TMEM117: variants seen among roughly 807,000 people sequenced by gnomAD.
TMEM117 encodes transmembrane protein 117.
TMEM117 carries 27 observed loss-of-function variants against 52.4 expected under a neutral mutation model. The ratio of observed to expected loss-of-function variants is 0.51; its 90% CI spans 0.38 to 0.71. The LOEUF (loss-of-function observed/expected upper bound fraction) is 0.71. Among genes scored for constraint, TMEM117 ranks in the 30% least tolerant of loss-of-function variants. The probability of loss-of-function intolerance (pLI) is 0.00; values close to 1 mark genes in which losing one functional copy is unlikely to be tolerated. For synonymous variants in TMEM117, 215 were observed against 206.3 expected (o/e 1.04, Z -0.36); for missense variants, 556 against 630.5 (o/e 0.88, Z 1.26).
chr12:44,063,902 G>C (rs1029700742), intron 3 of TMEM117, among the ~76,000 whole-genome samples: 13 of 152,120 alleles, frequency 8.5e-5, no homozygotes, highest in African/African-American at 2.9e-4. Flanking sequence ...AAATTAATAG[G>C]CTTGTTCCTT....
intron 6 of TMEM117, among the ~76,000 whole-genome samples, chr12:44,306,056 A>G (rs1426083776): frequency 6.6e-6 from 1 of 152,220 alleles, no homozygotes; most frequent in East Asian, 1.9e-4. Context: ...TCTCATTTAT[A>G]AATGAGAGCT....
At chr12:44,131,307 T>C (rs1289182177) in intron 3 of TMEM117, among the ~76,000 whole-genome samples, 1 of 152,166 alleles carries the variant, frequency 6.6e-6, no homozygotes, top group Non-Finnish European at 1.5e-5. Flanking sequence ...TCTCAAATTA[T>C]ATGTTACTGA....
intron 3 of TMEM117, among the ~76,000 whole-genome samples, chr12:44,141,385 C>T (rs1948569401): frequency 6.6e-6 from 1 of 152,054 alleles, no homozygotes; most frequent in African/African-American, 2.4e-5. Flanking sequence ...CTCTCTCCTC[C>T]CACCCTTTTC....
At chr12:44,024,519 C>G (rs1302967494) in intron 3 of TMEM117, among the ~76,000 whole-genome samples, 9 of 149,010 alleles carry the variant, frequency 6.0e-5, no homozygotes. Flanking sequence ...GGGAAGAAAG[C>G]AGGGTATATA....
At chr12:44,047,530 C>G (rs1284755705) in intron 3 of TMEM117, among the ~76,000 whole-genome samples, 1 of 152,070 alleles carries the variant, frequency 6.6e-6, no homozygotes, top group East Asian at 1.9e-4. Context: ...GATTGTTTTT[C>G]TCTTAGTTTG....
At chr12:43,797,916 T>C in the TMEM117 span, 2 of 1,425,026 alleles carry the variant, frequency 1.4e-6, no homozygotes, top group South Asian at 1.3e-5. Context: ...CTCTATAAAA[T>C]AGTATCATTC....
intron 4 of TMEM117, among the ~76,000 whole-genome samples, chr12:44,177,984 G>T (rs188631529): frequency 6.6e-5 from 10 of 151,930 alleles, no homozygotes; most frequent in Admixed American, 5.9e-4. Context: ...TTACTCTTCC[G>T]TATGACAAAC....
chr12:44,138,421 A>G (rs1335946653), intron 3 of TMEM117, among the ~76,000 whole-genome samples: 7 of 152,130 alleles, frequency 4.6e-5, no homozygotes. Context: ...ATGTTTCTGT[A>G]TACAGCACAA....
intron 3 of TMEM117, among the ~76,000 whole-genome samples, chr12:43,957,417 A>G (rs1206403148): frequency 3.9e-5 from 6 of 152,248 alleles, no homozygotes; most frequent in African/African-American, 1.2e-4. Context: ...TTTTGCAGTG[A>G]CTATACAATA....
intron 3 of TMEM117, among the ~76,000 whole-genome samples, chr12:44,116,347 T>G (rs1413449784): frequency 1.3e-5 from 2 of 152,024 alleles, no homozygotes; most frequent in African/African-American, 2.4e-5. Context: ...GATTATGACC[T>G]CAATTTCCTT....
chr12:44,344,918 GT>G (rs766461522), intron 6 of TMEM117, among the ~76,000 whole-genome samples: 1 of 152,010 alleles, frequency 6.6e-6, no homozygotes, highest in Non-Finnish European at 1.5e-5. Context: ...ACATCTGATT[GT>G]TTGCATTGCT....
At chr12:43,965,492 C>T (rs1050105217) in intron 3 of TMEM117, among the ~76,000 whole-genome samples, 5 of 152,074 alleles carry the variant, frequency 3.3e-5, no homozygotes, top group African/African-American at 1.2e-4. Context: ...TTAGAGTTAC[C>T]CAGAAAGTTC....
the TMEM117 span, among the ~76,000 whole-genome samples, chr12:43,820,799 T>C: frequency 6.6e-6 from 1 of 152,050 alleles, no homozygotes; most frequent in African/African-American, 2.4e-5. Flanking sequence ...CCCTTCTGTC[T>C]TTCTATAAGA....
At chr12:44,084,269 ATTATAC>A (rs1947530479) in intron 3 of TMEM117, among the ~76,000 whole-genome samples, 2 of 152,264 alleles carry the variant, frequency 1.3e-5, no homozygotes, top group African/African-American at 4.8e-5. Context: ...CATCATTTAT[ATTATAC>A]TTGTACTTTG....
At chr12:44,178,574 G>A (rs1949147642) in intron 4 of TMEM117, among the ~76,000 whole-genome samples, 2 of 152,012 alleles carry the variant, frequency 1.3e-5, no homozygotes. Flanking sequence ...CAGGCTCTTT[G>A]GATAAGGTCA....
At chr12:44,342,424 C>G (rs1445956379) in intron 6 of TMEM117, among the ~76,000 whole-genome samples, 2 of 152,084 alleles carry the variant, frequency 1.3e-5, no homozygotes, top group African/African-American at 4.8e-5. Flanking sequence ...CTGACCTTTC[C>G]TTCCTCACAG....
At chr12:43,999,166 C>T (rs567103047) in intron 3 of TMEM117, among the ~76,000 whole-genome samples, 5 of 152,126 alleles carry the variant, frequency 3.3e-5, no homozygotes, top group Non-Finnish European at 7.4e-5. Flanking sequence ...CATTCCGCTC[C>T]TAGAATGCTA....
intron 2 of TMEM117, among the ~76,000 whole-genome samples, chr12:43,851,175 A>G (rs551679025): frequency 2.0e-4 from 31 of 152,186 alleles, no homozygotes; most frequent in Non-Finnish European, 3.5e-4. Context: ...AGTATTGCCA[A>G]TTTAAGGGAT....
Position 43,910,134 on chromosome 12 carries a change from A to T in TMEM117, c.278-34076A>T, listed in dbSNP as rs542685597. 8.1e-3 allele frequency among the ~76,000 whole-genome samples: 1,109 copies of T among 137,356 alleles called. 28 individuals are homozygous for T. Among genetic ancestry groups the T allele is most frequent in the East Asian group, 0.044 (198 of 4,532 alleles). 90.1% of individuals were successfully genotyped at this position (137,356 alleles called of 152,430 possible). A position where few individuals can be genotyped will look rare whatever the true frequency, so the allele number is the denominator to read the frequency against. On this transcript the variant is annotated intron_variant, in intron 2 of 7. Transcript: ENST00000266534. ...AACCGAATCCAGCAGCACATCAAAAAGCTTATCCACCATGATCAAGTGGGC... is the reference window on the plus strand; with the variant it reads ...AACCGAATCCAGCAGCACATCAAAATGCTTATCCACCATGATCAAGTGGGC...
Sources: allele counts gnomAD v4.1 joint callset (sites outside exome capture counted in the v4.1 genomes callset), GRCh38; gene constraint gnomAD v4.1.1; transcripts MANE v1.5; gene names NCBI Gene and HGNC (gene_info 2026-07-23, HGNC 2026-07-21).